The following RPH3AL variants were observed in gnomAD, a reference collection of about 807,000 sequenced individuals.
RPH3AL encodes the protein rabphilin 3A like (without C2 domains), also known as rab effector Noc2.
RPH3AL carries 38 observed loss-of-function variants against 43.1 expected under a neutral mutation model. The ratio of observed to expected loss-of-function variants is 0.88; its 90% confidence interval spans 0.68 to 1.15. The LOEUF (loss-of-function observed/expected upper bound fraction) is 1.15, where lower values mean the gene tolerates loss of function less well. RPH3AL is among the 50% of genes most tolerant of loss of function. RPH3AL has a pLI of 0.00. For missense variants in RPH3AL, 462 were observed against 423.2 expected, an observed-to-expected ratio of 1.09 and a Z score of -0.81; for synonymous variants, 189 against 176.3, an observed-to-expected ratio of 1.07 and a Z score of -0.57.
chr17:235,105 T>C (rs897739171), intron 7 of RPH3AL, among the ~76,000 whole-genome samples: 1 of 151,816 alleles, frequency 6.6e-6, no homozygotes, highest in Non-Finnish European at 1.5e-5. Context: ...GGGTCCCGGG[T>C]TCAAAGCTGG....
chr17:230,838 G>T (rs1458924483), intron 7 of RPH3AL, among the ~76,000 whole-genome samples: 1 of 151,564 alleles, frequency 6.6e-6, no homozygotes, highest in African/African-American at 2.4e-5. Context: ...TGCCTCCCTT[G>T]TTTTTTGTTG....
chr17:266,223 T>C (rs2042318210), intron 6 of RPH3AL, among the ~76,000 whole-genome samples: 1 of 152,034 alleles, frequency 6.6e-6, no homozygotes, highest in Non-Finnish European at 1.5e-5. Flanking sequence ...TGTGTGTGTG[T>C]GTGTGTGCGT....
In RPH3AL at chr17:340,380, G is replaced by T. The variant is rs566773705; in HGVS notation, c.-212-6446C>A. On this transcript the variant is annotated intron_variant, in intron 1 of 9. Transcript: ENST00000331302. ...TCCACACTCACTGCCCTGGGCTCAG[G>T]CCTCCCCACATCCACACTCACTGCC... Among the ~76,000 whole-genome samples, 67 of 150,902 alleles carry T rather than the reference G, an allele frequency of 4.4e-4. 2 individuals carry two copies. The highest frequency in any genetic ancestry group is 3.4e-3 in the Middle Eastern group (1 of 292).
At chr17:344,217 T>TATCATCACC (rs1472639092) in intron 1 of RPH3AL, among the ~76,000 whole-genome samples, 1 of 128,494 alleles carries the variant, frequency 7.8e-6, no homozygotes, top group Non-Finnish European at 1.8e-5. Context: ...CCATCATCAC[T>TATCATCACC]ATCATCACCA....
chr17:257,335 G>A (rs1218728520), intron 6 of RPH3AL, among the ~76,000 whole-genome samples: 1 of 12,294 alleles, frequency 8.1e-5, no homozygotes, highest in African/African-American at 1.9e-4. Context: ...GCCGCACGGC[G>A]TCTGTCCTTT....
chr17:224,113 G>A (rs1009186078), intron 7 of RPH3AL, among the ~76,000 whole-genome samples: 7 of 152,194 alleles, frequency 4.6e-5, no homozygotes, highest in East Asian at 1.9e-4. Flanking sequence ...GCCTTAACTC[G>A]AGGTGTCAGC....
In RPH3AL at chr17:318,323, G is replaced by A. The variant is rs186904326; in HGVS notation, c.351+1097C>T. The stretch of plus-strand genomic sequence containing the variant: ...CTTGAACCTGGAGGCAGAGGTTGCA[G>A]TGAGCCAAGACTGCACCATTTGCAC... On this transcript the variant is annotated intron_variant, in intron 5 of 9. Transcript: ENST00000331302. Among the ~76,000 whole-genome samples the A allele has an allele frequency of 9.8e-5, 15 of 152,324 alleles. No homozygotes were observed. In the East Asian group the frequency reaches 2.7e-3, roughly 27 times the overall value.
chr17:219,340 A>G (rs979983302), intron 8 of RPH3AL, among the ~76,000 whole-genome samples: 9 of 150,162 alleles, frequency 6.0e-5, no homozygotes, highest in Admixed American at 6.0e-4. Context: ...CTGGGATTAC[A>G]GGCACCCGCC....
At position 289,962 on chromosome 17, in the gene RPH3AL, C is replaced by A. The variant is rs530099395; in HGVS notation, c.352-8108G>T. Among the ~76,000 whole-genome samples, 2 of 152,352 alleles carry A rather than the reference C, an allele frequency of 1.3e-5. 1 individual carries two copies. The highest frequency in any genetic ancestry group is 4.1e-4 in the South Asian group (2 of 4,832). ...CTGTGTGGCTGCAGGGCTCCTGTGA[C>A]TTCCCCTGCTGGGCCGTCATCTTCC... is the stretch of plus-strand genomic sequence containing the variant. On this transcript the variant is annotated intron_variant, in intron 5 of 9. Coordinates refer to ENST00000331302, the MANE Select transcript of RPH3AL (RefSeq NM_006987.4). This position sits in a 1 kb window ranked among gnomAD's most constrained non-coding sequence, Gnocchi z 5.2.
intron 6 of RPH3AL, among the ~76,000 whole-genome samples, chr17:271,452 T>C (rs1597983185): frequency 1.3e-5 from 2 of 152,202 alleles, no homozygotes; most frequent in East Asian, 3.8e-4. Context: ...CTTATTTTGT[T>C]GAGCAGTGGT....
At chr17:292,142 C>T (rs1386929499) in intron 5 of RPH3AL, among the ~76,000 whole-genome samples, 1 of 152,138 alleles carries the variant, frequency 6.6e-6, no homozygotes, top group African/African-American at 2.4e-5. Context: ...TGTAATCAGG[C>T]CTGTGCACCC....
At chr17:238,186 A>AG (rs1250313559) in intron 7 of RPH3AL, among the ~76,000 whole-genome samples, 3 of 151,188 alleles carry the variant, frequency 2.0e-5, no homozygotes. Context: ...AGAGAGAGAA[A>AG]GAAAGGAAGG....
chr17:248,211 T>C (rs2041810977), intron 6 of RPH3AL, among the ~76,000 whole-genome samples: 1 of 152,082 alleles, frequency 6.6e-6, no homozygotes, highest in African/African-American at 2.4e-5. Flanking sequence ...CTGTCCCAAG[T>C]CCCCTCTCAT....
intron 6 of RPH3AL, among the ~76,000 whole-genome samples, chr17:254,453 C>T (rs199502982): frequency 2.2e-4 from 3 of 13,938 alleles, no homozygotes; most frequent in Non-Finnish European, 2.3e-4. Flanking sequence ...AGCCGCACGG[C>T]GTCTGTCCTT....
rs1315181731 is a variant in RPH3AL at position 243,022 on chromosome 17, C to T, written c.613+4089G>A. On this transcript the variant is annotated intron_variant, in intron 7 of 9. Transcript: ENST00000331302. Reference sequence around the variant, plus strand: ...ATTGAATACCTTCCTCTATTGAATACCTTCCTCTATTGAATACCATCCTCT... The same window carrying T: ...ATTGAATACCTTCCTCTATTGAATATCTTCCTCTATTGAATACCATCCTCT... Among the ~76,000 whole-genome samples, 2 of 122,482 alleles carry T rather than the reference C, an allele frequency of 1.6e-5. 1 individual carries two copies. The highest frequency in any genetic ancestry group is 3.6e-5 in the Non-Finnish European group (2 of 55,618). The allele number at this position is 122,482 out of a possible 152,430, so 80.4% of individuals were successfully genotyped here.
chr17:239,858 G>T (rs1477913667), intron 7 of RPH3AL, among the ~76,000 whole-genome samples: 1 of 152,146 alleles, frequency 6.6e-6, no homozygotes, highest in African/African-American at 2.4e-5. Context: ...TTGAACTCTT[G>T]ACTCAAGCAA....
At chr17:335,491 C>T (rs1056121513) in intron 1 of RPH3AL, among the ~76,000 whole-genome samples, 13 of 152,082 alleles carry the variant, frequency 8.5e-5, no homozygotes, top group African/African-American at 2.7e-4. Flanking sequence ...GTGGCAGAAC[C>T]GCCCGGCCGG....
intron 7 of RPH3AL, among the ~76,000 whole-genome samples, chr17:240,212 G>C (rs1336306050): frequency 6.8e-6 from 1 of 146,318 alleles, no homozygotes; most frequent in Non-Finnish European, 1.5e-5. Flanking sequence ...ACTCCAGCCT[G>C]GGCAACAAGA....
intron 5 of RPH3AL, among the ~76,000 whole-genome samples, chr17:317,313 T>G (rs370503694): frequency 0.079 from 10,256 of 130,012 alleles, 1,013 homozygotes; most frequent in African/African-American, 0.24. Context: ...CCATTGACCT[T>G]TAGTCCATGT....
Sources: allele counts gnomAD v4.1 joint callset (sites outside exome capture counted in the v4.1 genomes callset), GRCh38; gene constraint gnomAD v4.1.1; non-coding constraint Gnocchi (gnomAD v3.1); transcripts MANE v1.5; gene names NCBI Gene and HGNC (gene_info 2026-07-23, HGNC 2026-07-21).